CAPZA3: variants seen among roughly 807,000 people sequenced by gnomAD.
The protein encoded by CAPZA3 is capping actin protein of muscle Z-line subunit alpha 3.
Under a neutral mutation model 23.6 loss-of-function variants are expected in CAPZA3, and 22 were observed. The observed-to-expected ratio is 0.93, with a 90% CI of 0.67 to 1.33. The LOEUF (loss-of-function observed/expected upper bound fraction) is 1.33, where lower values mean the gene tolerates loss of function less well. Among genes scored for constraint, CAPZA3 ranks in the 40% most tolerant of loss-of-function variants. CAPZA3 has a pLI of 0.00. For missense variants in CAPZA3, 357 were observed against 345.9 expected (o/e 1.03, Z -0.25); for synonymous variants, 142 against 126.5 (o/e 1.12, Z -0.82).
In CAPZA3 at chr12:18,738,758, G is replaced by C; in HGVS notation, c.490G>C (p.Glu164Gln). Reference protein sequence around the residue: ...CIEDHNYETGECWNGLWKSKW... With the variant: ...CIEDHNYETGQCWNGLWKSKW... ...TGAAGATCACAACTATGAAACAGGAGAGTGCTGGAACGGACTTTGGAAATC... is the reference window on the plus strand; with the variant it reads ...TGAAGATCACAACTATGAAACAGGACAGTGCTGGAACGGACTTTGGAAATC... The change falls in exon 1 of 1, where the codon GAG becomes CAG. Residue 164 changes from glutamate to glutamine, a missense_variant. Physicochemically the swap from Glu to Gln is conservative, Grantham distance 29. Transcript: ENST00000317658. The C allele has an allele frequency of 1.2e-6, 2 of 1,614,082 alleles. No homozygotes were observed. Among genetic ancestry groups the C allele is most frequent in the South Asian group, 2.2e-5 (2 of 91,088 alleles).
At position 18,738,280 on chromosome 12, in the gene CAPZA3, C is replaced by T. The variant is rs147358934; in HGVS notation, c.12C>T (p.Ser4=). Residue 4 remains serine, a synonymous_variant, in exon 1 of 1, where the codon AGC becomes AGT. Coordinates refer to ENST00000317658, the MANE Select transcript of CAPZA3 (RefSeq NM_033328.3). The part of the protein sequence containing the change: MTL[S]VLSRKDKERV... ...TGTTGCAACCAAACATGACACTTAG[C>T]GTGCTGAGCAGGAAGGACAAGGAAA... The T allele has an allele frequency of 2.3e-5, 37 of 1,605,486 alleles. No individual in the cohort carries two copies. The African/African-American group carries it at 4.0e-4, about 17-fold the overall frequency.
At position 18,739,182 on chromosome 12, in the gene CAPZA3, G is replaced by A. The variant is rs1279743222; in HGVS notation, c.*14G>A. 1 of 1,582,550 alleles carries A rather than the reference G, an allele frequency of 6.3e-7. No homozygotes were observed. Among genetic ancestry groups the A allele is most frequent in the South Asian group, 1.1e-5 (1 of 88,414 alleles). On this transcript the variant is annotated 3_prime_UTR_variant, in exon 1 of 1. Transcript: ENST00000317658. ...TGGATAATATAAAGAATTGCTCCTG[G>A]TAACTATCTTGATTTGACTTGTTTG...
rs1481255263 is a variant in CAPZA3 at position 18,739,048 on chromosome 12, T to C, written c.780T>C (p.Leu260=). The change falls in exon 1 of 1, where the codon CTT becomes CTC. Residue 260 remains leucine, a synonymous_variant. Transcript: ENST00000317658. ...EALRKILRRD[L]PVTRTLIDWH... ...TGAGAAAAATTCTACGAAGGGATCT[T>C]CCAGTGACCCGCACTCTTATTGACT... 2 of 1,612,132 alleles carry C rather than the reference T, an allele frequency of 1.2e-6. No homozygotes were observed. The highest frequency in any genetic ancestry group is 1.7e-6 in the Non-Finnish European group (2 of 1,179,932).
At position 18,738,977 on chromosome 12, in the gene CAPZA3, C is replaced by A. The variant is rs1189957548; in HGVS notation, c.709C>A (p.Gln237Lys). 6.2e-7 allele frequency: 1 copy of A among 1,613,210 alleles called. No individual in the cohort carries two copies. The highest frequency in any genetic ancestry group is 1.7e-5 in the Admixed American group (1 of 59,958). The change falls in exon 1 of 1, where the codon CAA (glutamine) becomes AAA (lysine). Residue 237 changes from glutamine (Q) to lysine (K), a missense_variant. By Grantham distance (53) the Gln-to-Lys change is moderately conservative. Coordinates refer to ENST00000317658, the MANE Select transcript of CAPZA3 (RefSeq NM_033328.3). Reference sequence around the variant, plus strand: ...TGTGGAAGAGCAAGAGAACAAATTTCAAGCTGCAGTCTTGGAAGAATTACA... The same window carrying A: ...TGTGGAAGAGCAAGAGAACAAATTTAAAGCTGCAGTCTTGGAAGAATTACA... ...RLVEEQENKF[Q>K]AAVLEELQEL... is the part of the protein sequence containing the mutation.
rs370193589 is a variant in CAPZA3, at chr12:18,738,448, T to C, written c.180T>C (p.Ser60=). ...GCCACCAACACTGCCAAAAATATTC[T>C]GTACCACTCTGCATCGATGGAAATC... The part of the protein sequence containing the change: ...CAGHQHCQKY[S]VPLCIDGNPV... Residue 60 remains serine (S), a synonymous_variant, in exon 1 of 1, where the codon TCT becomes TCC. Transcript: ENST00000317658. 1 of 1,614,040 alleles carries C rather than the reference T, an allele frequency of 6.2e-7. No individual in the cohort carries two copies. The highest frequency in any genetic ancestry group is 1.3e-5 in the African/African-American group (1 of 74,938).
chr12:18,738,529 A>G lies in CAPZA3; in HGVS notation c.261A>G (p.Gln87=), dbSNP rs1242328775. Residue 87 remains glutamine (Q), a synonymous_variant, in exon 1 of 1, where the codon CAA becomes CAG. Coordinates refer to ENST00000317658, the MANE Select transcript of CAPZA3 (RefSeq NM_033328.3). Reference sequence around the variant, plus strand: ...GCGACTACCGATTTTTTGACCATCAAAGCAAACTTTCTTTCAAATATGACC... The same window carrying G: ...GCGACTACCGATTTTTTGACCATCAGAGCAAACTTTCTTTCAAATATGACC... ...VMGDYRFFDH[Q]SKLSFKYDLL... 3 of 1,613,996 alleles carry G rather than the reference A, an allele frequency of 1.9e-6. No individual in the cohort carries two copies. The highest frequency in any genetic ancestry group is 3.3e-5 in the Admixed American group (2 of 59,980).
In CAPZA3 at chr12:18,739,021, C is replaced by G. The variant is rs1391406245; in HGVS notation, c.753C>G (p.Ala251=). The G allele has an allele frequency of 2.5e-6, 4 of 1,611,984 alleles. No homozygotes were observed. Among genetic ancestry groups the G allele is most frequent in the Non-Finnish European group, 3.4e-6 (4 of 1,179,896 alleles). The change falls in exon 1 of 1, where the codon GCC becomes GCG. Residue 251 remains alanine, a synonymous_variant. Coordinates refer to ENST00000317658, the MANE Select transcript of CAPZA3 (RefSeq NM_033328.3). ...LEELQELSNE[A]LRKILRRDLP... ...AATTACAGGAGTTATCCAATGAAGC[C>G]CTGAGAAAAATTCTACGAAGGGATC...
chr12:18,738,911 A>G lies in CAPZA3; in HGVS notation c.643A>G (p.Ile215Val), dbSNP rs1454414258. Residue 215 changes from isoleucine to valine, a missense_variant, in exon 1 of 1, where the codon ATA (isoleucine) becomes GTA (valine). Physicochemically the swap from Ile to Val is conservative, Grantham distance 29. Transcript: ENST00000317658. ...CAAGGACCTGAAAGAAAGCTTGGAA[A>G]TAGTTAACCAAGCTCAACTGGCTCT... ...ISKDLKESLE[I>V]VNQAQLALSF... The G allele has an allele frequency of 1.5e-5, 25 of 1,613,914 alleles. No homozygotes were observed. The highest frequency in any genetic ancestry group is 2.1e-5 in the Non-Finnish European group (25 of 1,179,966).
Position 18,739,002 on chromosome 12 carries a change from A to G in CAPZA3, c.734A>G (p.Gln245Arg), listed in dbSNP as rs909076245. 1.2e-6 allele frequency: 2 copies of G among 1,612,458 alleles called. No individual in the cohort carries two copies. Among genetic ancestry groups the G allele is most frequent in the Non-Finnish European group, 8.5e-7 (1 of 1,179,948 alleles). The stretch of plus-strand genomic sequence containing the variant: ...CAAGCTGCAGTCTTGGAAGAATTAC[A>G]GGAGTTATCCAATGAAGCCCTGAGA... ...KFQAAVLEEL[Q>R]ELSNEALRKI... The change falls in exon 1 of 1, where the codon CAG becomes CGG. Residue 245 changes from glutamine to arginine, a missense_variant. Transcript: ENST00000317658.
chr12:18,738,743 A>C lies in CAPZA3; in HGVS notation c.475A>C (p.Asn159His), dbSNP rs1328478421. Residue 159 changes from asparagine (N) to histidine (H), a missense_variant, in exon 1 of 1, where the codon AAC becomes CAC. By Grantham distance (68) the Asn-to-His change is moderately conservative. Coordinates refer to ENST00000317658, the MANE Select transcript of CAPZA3 (RefSeq NM_033328.3). Reference sequence around the variant, plus strand: ...CTTGATAGCTTGCATTGAAGATCACAACTATGAAACAGGAGAGTGCTGGAA... The same window carrying C: ...CTTGATAGCTTGCATTGAAGATCACCACTATGAAACAGGAGAGTGCTGGAA... Reference protein sequence around the residue: ...EYLIACIEDHNYETGECWNGL... With the variant: ...EYLIACIEDHHYETGECWNGL... 1.2e-6 allele frequency: 2 copies of C among 1,614,110 alleles called. No homozygotes were observed. The highest frequency in any genetic ancestry group is 4.5e-5 in the East Asian group (2 of 44,868).
Position 18,739,146 on chromosome 12 carries a change from T to G in CAPZA3, c.878T>G (p.Val293Gly). The G allele has an allele frequency of 2.5e-6, 4 of 1,609,490 alleles. No individual in the cohort carries two copies. Among genetic ancestry groups the G allele is most frequent in the Non-Finnish European group, 3.4e-6 (4 of 1,176,882 alleles). ...KLGYVIYSRSVLCNWII is the reference protein window; with the variant it reads ...KLGYVIYSRSGLCNWII Reference sequence around the variant, plus strand: ...GGATATGTCATTTATTCAAGAAGTGTGTTGTGCAACTGGATAATATAAAGA... The same window carrying G: ...GGATATGTCATTTATTCAAGAAGTGGGTTGTGCAACTGGATAATATAAAGA... The change falls in exon 1 of 1, where the codon GTG becomes GGG. Residue 293 changes from valine (V) to glycine (G), a missense_variant. By Grantham distance (109) the Val-to-Gly change is moderately radical. Coordinates refer to ENST00000317658, the MANE Select transcript of CAPZA3 (RefSeq NM_033328.3).
rs369230199 is a variant in CAPZA3, at chr12:18,738,532, C to A, written c.264C>A (p.Ser88Arg). The change falls in exon 1 of 1, where the codon AGC (serine) becomes AGA (arginine). Residue 88 changes from serine (S) to arginine (R), a missense_variant. Ser to Arg is a moderately radical substitution (Grantham distance 110). Transcript: ENST00000317658. Reference sequence around the variant, plus strand: ...ACTACCGATTTTTTGACCATCAAAGCAAACTTTCTTTCAAATATGACCTGC... The same window carrying A: ...ACTACCGATTTTTTGACCATCAAAGAAAACTTTCTTTCAAATATGACCTGC... ...MGDYRFFDHQ[S>R]KLSFKYDLLQ... The A allele has an allele frequency of 3.2e-5, 51 of 1,614,086 alleles. No individual in the cohort carries two copies. The Middle Eastern group carries it at 6.6e-4, about 21-fold the overall frequency.
rs143378750 is a variant in CAPZA3 at position 18,738,970 on chromosome 12, C to A, written c.702C>A (p.Asn234Lys). 13 of 1,613,314 alleles carry A rather than the reference C, an allele frequency of 8.1e-6. No homozygotes were observed. In the African/African-American group the frequency reaches 1.7e-4, roughly 22 times the overall value. Residue 234 changes from asparagine to lysine, a missense_variant, in exon 1 of 1, where the codon AAC (asparagine) becomes AAA (lysine). Physicochemically the swap from Asn to Lys is moderately conservative, Grantham distance 94. Transcript: ENST00000317658. ...SFARLVEEQENKFQAAVLEEL... is the reference protein window; with the variant it reads ...SFARLVEEQEKKFQAAVLEEL... ...CAAGGCTTGTGGAAGAGCAAGAGAA[C>A]AAATTTCAAGCTGCAGTCTTGGAAG...
In CAPZA3 at chr12:18,738,565, T is replaced by C. The variant is rs1303893813; in HGVS notation, c.297T>C (p.Asn99=). 1 of 1,614,104 alleles carries C rather than the reference T, an allele frequency of 6.2e-7. No individual in the cohort carries two copies. The highest frequency in any genetic ancestry group is 8.5e-7 in the Non-Finnish European group (1 of 1,180,000). ...CTTTCAAATATGACCTGCTTCAAAATCAGCTGAAAGACATCCAAAGTCATG... is the reference window on the plus strand; with the variant it reads ...CTTTCAAATATGACCTGCTTCAAAACCAGCTGAAAGACATCCAAAGTCATG... ...KLSFKYDLLQ[N]QLKDIQSHGI... is the part of the protein sequence containing the mutation. The change falls in exon 1 of 1, where the codon AAT becomes AAC. Residue 99 remains asparagine (N), a synonymous_variant. Coordinates refer to ENST00000317658, the MANE Select transcript of CAPZA3 (RefSeq NM_033328.3).
At position 18,738,350 on chromosome 12, in the gene CAPZA3, G is replaced by A. The variant is rs922241145; in HGVS notation, c.82G>A (p.Val28Ile). 13 of 1,614,080 alleles carry A rather than the reference G, an allele frequency of 8.1e-6. No homozygotes were observed. The highest frequency in any genetic ancestry group is 1.0e-5 in the Non-Finnish European group (12 of 1,179,968). ...ATTACAGGCCCCTCCAGGGGAATTT[G>A]TAAATGCCTTTGATGATCTCTGTCT... is the stretch of plus-strand genomic sequence containing the variant. ...LLLQAPPGEF[V>I]NAFDDLCLLI... Residue 28 changes from valine (V) to isoleucine (I), a missense_variant, in exon 1 of 1, where the codon GTA (valine) becomes ATA (isoleucine). By Grantham distance (29) the Val-to-Ile change is conservative. Transcript: ENST00000317658.
chr12:18,738,638 G>C lies in CAPZA3; in HGVS notation c.370G>C (p.Ala124Pro). The change falls in exon 1 of 1, where the codon GCC becomes CCC. Residue 124 changes from alanine to proline, a missense_variant. Coordinates refer to ENST00000317658, the MANE Select transcript of CAPZA3 (RefSeq NM_033328.3). ...AEYLRVVLLCALKLYVNDHYP... is the reference protein window; with the variant it reads ...AEYLRVVLLCPLKLYVNDHYP... ...ATACCTGAGAGTTGTTCTTCTGTGC[G>C]CCTTAAAACTGTATGTGAATGACCA... 1 of 1,614,020 alleles carries C rather than the reference G, an allele frequency of 6.2e-7. No homozygotes were observed. Among genetic ancestry groups the C allele is most frequent in the Non-Finnish European group, 8.5e-7 (1 of 1,179,986 alleles).
chr12:18,738,286 G>A lies in CAPZA3; in HGVS notation c.18G>A (p.Leu6=), dbSNP rs1386913397. 14 of 1,610,734 alleles carry A rather than the reference G, an allele frequency of 8.7e-6. No individual in the cohort carries two copies. Among genetic ancestry groups the A allele is most frequent in the African/African-American group, 1.3e-5 (1 of 74,878 alleles). Residue 6 remains leucine (L), a synonymous_variant, in exon 1 of 1, where the codon CTG becomes CTA. Coordinates refer to ENST00000317658, the MANE Select transcript of CAPZA3 (RefSeq NM_033328.3). MTLSV[L]SRKDKERVIR... is the part of the protein sequence containing the mutation. The stretch of plus-strand genomic sequence containing the variant: ...AACCAAACATGACACTTAGCGTGCT[G>A]AGCAGGAAGGACAAGGAAAGAGTAA...
chr12:18,738,251 C>T lies in CAPZA3; in HGVS notation c.-18C>T. 6.3e-7 allele frequency: 1 copy of T among 1,578,066 alleles called. No individual in the cohort carries two copies. The highest frequency in any genetic ancestry group is 8.6e-7 in the Non-Finnish European group (1 of 1,163,450). On this transcript the variant is annotated 5_prime_UTR_variant, in exon 1 of 1. Coordinates refer to ENST00000317658, the MANE Select transcript of CAPZA3 (RefSeq NM_033328.3). ...AACACTCCTCATTTCAGAAGCTTTG[C>T]TTCTGTTGCAACCAAACATGACACT...
In CAPZA3 at chr12:18,739,040, A is replaced by C; in HGVS notation, c.772A>C (p.Arg258=). 2 of 1,612,070 alleles carry C rather than the reference A, an allele frequency of 1.2e-6. No homozygotes were observed. The highest frequency in any genetic ancestry group is 1.7e-6 in the Non-Finnish European group (2 of 1,179,914). Residue 258 remains arginine (R), a synonymous_variant, in exon 1 of 1, where the codon AGG becomes CGG. Coordinates refer to ENST00000317658, the MANE Select transcript of CAPZA3 (RefSeq NM_033328.3). Reference sequence around the variant, plus strand: ...TGAAGCCCTGAGAAAAATTCTACGAAGGGATCTTCCAGTGACCCGCACTCT... The same window carrying C: ...TGAAGCCCTGAGAAAAATTCTACGACGGGATCTTCCAGTGACCCGCACTCT... ...SNEALRKILR[R]DLPVTRTLID...
Sources: gnomAD v4.1 joint callset for allele counts on GRCh38, gnomAD v4.1.1 for gene constraint, MANE v1.5 for transcripts, NCBI Gene and HGNC (gene_info 2026-07-23, HGNC 2026-07-21) for gene names.